The following NPSR1 variants were observed in gnomAD, a reference collection of about 807,000 sequenced individuals.
NPSR1 encodes neuropeptide S receptor.
In NPSR1, 48 loss-of-function variants were observed where a neutral mutation model predicts 46.9. The observed-to-expected ratio is 1.02, with a 90% CI of 0.81 to 1.30. NPSR1 has a LOEUF of 1.30. NPSR1 is among the 50% of genes most tolerant of loss of function. The pLI is 0.00. For missense variants in NPSR1, 450 were observed against 449.5 expected, an observed-to-expected ratio of 1.00 and a Z score of -0.01; for synonymous variants, 176 against 168.1, an observed-to-expected ratio of 1.05 and a Z score of -0.36.
intron 2 of NPSR1, among the ~76,000 whole-genome samples, chr7:34,714,400 C>A (rs192477260): frequency 6.6e-6 from 1 of 152,208 alleles, no homozygotes; most frequent in African/African-American, 2.4e-5. Flanking sequence ...AGTGACCACA[C>A]GTCTGGAATT....
At chr7:34,683,254 T>C (rs1161425616) in intron 1 of NPSR1, among the ~76,000 whole-genome samples, 2 of 151,900 alleles carry the variant, frequency 1.3e-5, no homozygotes, top group Non-Finnish European at 2.9e-5. Context: ...CCATCCTGGC[T>C]AACACGGTGA....
chr7:34,722,161 G>A (rs1053411827), intron 2 of NPSR1, among the ~76,000 whole-genome samples: 1 of 151,938 alleles, frequency 6.6e-6, no homozygotes, highest in African/African-American at 2.4e-5. Flanking sequence ...TCTAAATGAG[G>A]GTGTAATTTG....
At chr7:34,723,136 T>A (rs964192020) in intron 2 of NPSR1, 3 of 152,416 alleles carry the variant, frequency 2.0e-5, no homozygotes, top group African/African-American at 7.2e-5. Flanking sequence ...ATAATGCTGC[T>A]CAGTTCTAGG....
intron 2 of NPSR1, among the ~76,000 whole-genome samples, chr7:34,754,585 C>A (rs1238977338): frequency 6.6e-6 from 1 of 151,898 alleles, no homozygotes; most frequent in Non-Finnish European, 1.5e-5. Flanking sequence ...CCCAGACAGG[C>A]TTCACCTAAT....
intron 2 of NPSR1, among the ~76,000 whole-genome samples, chr7:34,688,169 C>A (rs777676358): frequency 5.3e-5 from 8 of 152,168 alleles, no homozygotes; most frequent in Non-Finnish European, 8.8e-5. Flanking sequence ...GATGATCTAC[C>A]TCTGCATGCA....
At chr7:34,868,913 A>G (rs1246599290) in intron 8 of NPSR1, among the ~76,000 whole-genome samples, 12 of 151,732 alleles carry the variant, frequency 7.9e-5, no homozygotes. Flanking sequence ...CGGGGCAACA[A>G]ACTGGCTACT....
rs575682030 is a variant in NPSR1 at position 34,846,916 on chromosome 7, C to A, written c.845-1567C>A. 5.9e-5 allele frequency among the ~76,000 whole-genome samples: 9 copies of A among 152,240 alleles called. No individual in the cohort carries two copies. In the South Asian group the frequency reaches 1.5e-3, roughly 25 times the overall value. ...ATACAAATCTTTGCTGGCTGGGCTG[C>A]GTGTACCATGCCAGAGGACTGGTAT... On this transcript the variant is annotated intron_variant, in intron 7 of 8. Coordinates refer to ENST00000360581, the MANE Select transcript of NPSR1 (RefSeq NM_207172.2).
chr7:34,703,889 G>T lies in NPSR1; in HGVS notation c.280+19205G>T, dbSNP rs534811217. On this transcript the variant is annotated intron_variant, in intron 2 of 8. Transcript: ENST00000360581. ...TGCGGAACTAATAAGAGTAACTCCCGATGAGTGTTCAACAAAGAAAAGAAA... is the reference window on the plus strand; with the variant it reads ...TGCGGAACTAATAAGAGTAACTCCCTATGAGTGTTCAACAAAGAAAAGAAA... The T allele has an allele frequency of 2.1e-3, 263 of 125,292 alleles. 3 individuals carry two copies. The highest frequency in any genetic ancestry group is 8.5e-3 in the African/African-American group (257 of 30,320). 7.8% of individuals were successfully genotyped at this position (125,292 alleles called of 1,614,324 possible).
At chr7:34,658,592 CT>C (rs750485146) in intron 1 of NPSR1, 33 bp downstream of exon 1, 12 of 1,603,000 alleles carry the variant, frequency 7.5e-6, no homozygotes, top group Non-Finnish European at 1.0e-5. Context: ...TGAACACTGA[CT>C]TATAACAATG....
At chr7:34,710,097 A>T (rs111492659) in intron 2 of NPSR1, among the ~76,000 whole-genome samples, 127 of 152,282 alleles carry the variant, frequency 8.3e-4, no homozygotes, top group African/African-American at 3.0e-3. Context: ...GTACTTGTTG[A>T]CCTTAGGAAC....
chr7:34,832,339 G>T (rs1458824429), intron 5 of NPSR1, among the ~76,000 whole-genome samples: 1 of 152,154 alleles, frequency 6.6e-6, no homozygotes, highest in Non-Finnish European at 1.5e-5. Flanking sequence ...TTCAAGACCA[G>T]CCTGGCAGCA....
chr7:34,773,681 G>A (rs1164306837), intron 2 of NPSR1, among the ~76,000 whole-genome samples: 1 of 152,144 alleles, frequency 6.6e-6, no homozygotes, highest in Non-Finnish European at 1.5e-5. Flanking sequence ...TTCAAAATCA[G>A]CAGTAGCTAG....
downstream of NPSR1, chr7:34,850,013 A>G (rs1790887274): frequency 5.9e-6 from 6 of 1,018,440 alleles, no homozygotes; most frequent in South Asian, 1.7e-4. Flanking sequence ...GCTGGGTTAT[A>G]CATGAATATT....
At chr7:34,777,637 G>T (rs1282642905) in intron 2 of NPSR1, among the ~76,000 whole-genome samples, 4 of 152,136 alleles carry the variant, frequency 2.6e-5, no homozygotes, top group African/African-American at 9.7e-5. Context: ...GAGGGAGGAA[G>T]AGGGAACGAT....
intron 2 of NPSR1, among the ~76,000 whole-genome samples, chr7:34,739,317 T>C (rs1413532352): frequency 6.6e-6 from 1 of 152,256 alleles, no homozygotes; most frequent in Non-Finnish European, 1.5e-5. Context: ...AAATACAAAA[T>C]TGTTTTCTAC....
At chr7:34,740,888 T>A (rs1784907169) in intron 2 of NPSR1, among the ~76,000 whole-genome samples, 1 of 152,202 alleles carries the variant, frequency 6.6e-6, no homozygotes, top group Admixed American at 6.5e-5. Context: ...GCTCTGTCCA[T>A]CTAAGTGACA....
At chr7:34,760,330 C>A (rs1057074606) in intron 2 of NPSR1, among the ~76,000 whole-genome samples, 4 of 152,206 alleles carry the variant, frequency 2.6e-5, no homozygotes, top group African/African-American at 9.7e-5. Flanking sequence ...TTTTATAGGG[C>A]AAGCATTTTA....
intron 2 of NPSR1, among the ~76,000 whole-genome samples, chr7:34,717,504 T>C (rs948384491): frequency 6.6e-6 from 1 of 152,082 alleles, no homozygotes; most frequent in Non-Finnish European, 1.5e-5. Context: ...AAGGGTTAGA[T>C]GAGGGGGAAA....
chr7:34,814,303 T>C (rs1331055498), intron 4 of NPSR1, among the ~76,000 whole-genome samples: 2 of 152,234 alleles, frequency 1.3e-5, no homozygotes, highest in Non-Finnish European at 2.9e-5. Flanking sequence ...CACAGCAGTC[T>C]GAAATTGAAC....
Sources: allele counts gnomAD v4.1 joint callset (sites outside exome capture counted in the v4.1 genomes callset), GRCh38; gene constraint gnomAD v4.1.1; transcripts MANE v1.5; gene names NCBI Gene and HGNC (gene_info 2026-07-23, HGNC 2026-07-21).